LIPI: variants seen among roughly 807,000 people sequenced by gnomAD.
The protein encoded by LIPI is lipase member I.
LIPI carries 59 observed loss-of-function variants against 50.6 expected under a neutral mutation model. The ratio of observed to expected loss-of-function variants is 1.16; its 90% confidence interval spans 0.94 to 1.45. LIPI has a LOEUF of 1.45. Ranked by LOEUF, LIPI falls within the 40% of genes most tolerant of loss-of-function variation. LIPI has a pLI of 0.00. For synonymous variants in LIPI, 203 were observed against 178.2 expected (o/e 1.14, Z -1.11); for missense variants, 586 against 536.3 (o/e 1.09, Z -0.92).
intron 9 of LIPI, chr21:14,144,036 C>T (rs11909656): frequency 0.17 from 27,266 of 159,038 alleles, 2,597 homozygotes; most frequent in East Asian, 0.42. Context: ...GTCAGCTTCT[C>T]CTCACACCTT....
intron 7 of LIPI, among the ~76,000 whole-genome samples, chr21:14,162,712 T>C (rs1281219407): frequency 6.6e-6 from 1 of 151,874 alleles, no homozygotes; most frequent in East Asian, 1.9e-4. Flanking sequence ...ATATTGAAGT[T>C]GGCAGTGACT....
chr21:14,136,477 CCT>C (rs1369889949), intron 9 of LIPI, among the ~76,000 whole-genome samples: 1 of 151,956 alleles, frequency 6.6e-6, no homozygotes, highest in African/African-American at 2.4e-5. Flanking sequence ...GTGAGGCTCC[CCT>C]GTCTTTGGAA....
At position 14,113,890 on chromosome 21, in the gene LIPI, A is replaced by C. The variant is rs146839032; in HGVS notation, c.1296-4810T>G. ...GCCCAGCGAAGGGGAAGCCCCTTAAAAAACTTTCAGATCTTGGCCGGGCTC... is the reference window on the plus strand; with the variant it reads ...GCCCAGCGAAGGGGAAGCCCCTTAACAAACTTTCAGATCTTGGCCGGGCTC... On this transcript the variant is annotated intron_variant, in intron 9 of 9. Transcript: ENST00000681601. Among the ~76,000 whole-genome samples the C allele has an allele frequency of 4.6e-5, 7 of 152,322 alleles. No individual in the cohort carries two copies. The East Asian group carries it at 1.4e-3, about 29-fold the overall frequency.
chr21:14,146,286 C>T (rs1165373150), intron 8 of LIPI, among the ~76,000 whole-genome samples: 1 of 136,542 alleles, frequency 7.3e-6, no homozygotes, highest in Non-Finnish European at 1.6e-5. Context: ...TTTCTCCAAC[C>T]AAAAAAAAAA....
chr21:14,181,494 T>C (rs752134221), intron 4 of LIPI, among the ~76,000 whole-genome samples: 20 of 152,086 alleles, frequency 1.3e-4, no homozygotes, highest in Non-Finnish European at 2.5e-4. Context: ...GAATGAACTC[T>C]TAGTTATCTA....
chr21:14,165,903 C>A (rs568040679), intron 5 of LIPI, among the ~76,000 whole-genome samples: 1 of 152,302 alleles, frequency 6.6e-6, no homozygotes, highest in East Asian at 1.9e-4. Context: ...ACATTTCTTG[C>A]AATGGCTCTG....
chr21:14,113,825 G>A (rs533844443), intron 9 of LIPI, among the ~76,000 whole-genome samples: 2 of 152,330 alleles, frequency 1.3e-5, no homozygotes, highest in Admixed American at 6.5e-5. Context: ...AATCATGGCA[G>A]AAGGCACATC....
intron 1 of LIPI, among the ~76,000 whole-genome samples, chr21:14,202,024 C>A (rs992536640): frequency 1.4e-4 from 21 of 152,152 alleles, no homozygotes; most frequent in Non-Finnish European, 2.6e-4. Context: ...AAATCACAAG[C>A]ATTCTTATAC....
chr21:14,118,175 T>A lies in LIPI; in HGVS notation c.1296-9095A>T, dbSNP rs1294257922. Among the ~76,000 whole-genome samples the A allele has an allele frequency of 2.6e-5, 4 of 152,034 alleles. No homozygotes were observed. In the East Asian group the frequency reaches 7.8e-4, roughly 30 times the overall value. ...AAGGCATAGTAAGATCTGACGTGGA[T>A]CTAATTGGGCTGGCAGAAGCCAATG... On this transcript the variant is annotated intron_variant, in intron 9 of 9. Coordinates refer to ENST00000681601, the MANE Select transcript of LIPI (RefSeq NM_001302998.2).
intron 5 of LIPI, among the ~76,000 whole-genome samples, chr21:14,165,810 C>T (rs925239213): frequency 6.6e-6 from 1 of 152,174 alleles, no homozygotes; most frequent in Non-Finnish European, 1.5e-5. Flanking sequence ...CCTTGCACAT[C>T]CTCCTCCTTT....
intron 9 of LIPI, among the ~76,000 whole-genome samples, chr21:14,122,056 G>T (rs1285294290): frequency 6.6e-6 from 1 of 152,198 alleles, no homozygotes; most frequent in Non-Finnish European, 1.5e-5. Flanking sequence ...TTGCTGTCAT[G>T]CTATCTTTGC....
At chr21:14,131,794 T>C (rs1463695346) in intron 9 of LIPI, among the ~76,000 whole-genome samples, 1 of 152,104 alleles carries the variant, frequency 6.6e-6, no homozygotes, top group Non-Finnish European at 1.5e-5. Flanking sequence ...AAGAGAAATC[T>C]GAAGACTCAT....
intron 9 of LIPI, among the ~76,000 whole-genome samples, chr21:14,113,314 A>C (rs1156325351): frequency 6.6e-6 from 1 of 152,238 alleles, no homozygotes; most frequent in Non-Finnish European, 1.5e-5. Context: ...AATGCATTAA[A>C]ACAGTTATTA....
chr21:14,129,332 A>C (rs535341374), intron 9 of LIPI, among the ~76,000 whole-genome samples: 2 of 152,260 alleles, frequency 1.3e-5, no homozygotes, highest in East Asian at 3.9e-4. Flanking sequence ...TTTATGAATA[A>C]GAATTATTGA....
intron 4 of LIPI, among the ~76,000 whole-genome samples, chr21:14,168,631 GA>G (rs1364686265): frequency 6.6e-6 from 1 of 152,106 alleles, no homozygotes; most frequent in Admixed American, 6.6e-5. Flanking sequence ...ATAAGTGAAG[GA>G]GAAATAAAAT....
chr21:14,184,795 A>G (rs369008981), intron 3 of LIPI, among the ~76,000 whole-genome samples: 3 of 152,252 alleles, frequency 2.0e-5, no homozygotes, highest in East Asian at 3.8e-4. Context: ...GGAACTTTGT[A>G]TAAGTAAATC....
intron 7 of LIPI, among the ~76,000 whole-genome samples, chr21:14,155,158 T>C (rs2018230685): frequency 6.6e-6 from 1 of 151,994 alleles, no homozygotes; most frequent in Admixed American, 6.6e-5. Context: ...CAATGAATAG[T>C]GCATTGGACT....
At chr21:14,164,968 A>G (rs567227032) in intron 6 of LIPI, among the ~76,000 whole-genome samples, 1 of 152,304 alleles carries the variant, frequency 6.6e-6, no homozygotes, top group East Asian at 1.9e-4. Flanking sequence ...GAATCATTAT[A>G]AAGCCATCTA....
At chr21:14,143,844 TGTG>T (rs2017803960) in intron 9 of LIPI, 1 of 154,296 alleles carries the variant, frequency 6.5e-6, no homozygotes, top group Non-Finnish European at 1.5e-5. Context: ...AACCTCTGAT[TGTG>T]AGGACGTAGA....
Sources: allele counts gnomAD v4.1 joint callset (sites outside exome capture counted in the v4.1 genomes callset), GRCh38; gene constraint gnomAD v4.1.1; transcripts MANE v1.5; gene names NCBI Gene and HGNC (gene_info 2026-07-23, HGNC 2026-07-21).